TMEM65: variants seen among roughly 807,000 people sequenced by gnomAD.
TMEM65 encodes the protein transmembrane protein 65.
A neutral mutation model predicts 25.4 loss-of-function variants in TMEM65; 22 were observed. The observed-to-expected ratio is 0.86, with a 90% CI of 0.62 to 1.23. The LOEUF is 1.23. Among genes scored for constraint, TMEM65 ranks in the 50% most tolerant of loss-of-function variants. The probability of loss-of-function intolerance (pLI) is 0.00; values close to 1 mark genes in which losing one functional copy is unlikely to be tolerated. For missense variants in TMEM65, 262 were observed against 308.2 expected, an observed-to-expected ratio of 0.85 and a Z score of 1.12; for synonymous variants, 132 against 126.2, an observed-to-expected ratio of 1.05 and a Z score of -0.31.
intron 1 of TMEM65, among the ~76,000 whole-genome samples, chr8:124,370,696 C>T (rs1167659104): frequency 6.6e-6 from 1 of 152,156 alleles, no homozygotes; most frequent in Non-Finnish European, 1.5e-5. Flanking sequence ...GTACAGATAA[C>T]GTCCTGCTTA....
At position 124,351,111 on chromosome 8, in the gene TMEM65, T is replaced by C. The variant is rs1314507644; in HGVS notation, c.305-20319A>G. 3.1e-5 allele frequency: 31 copies of C among 984,980 alleles called. No individual in the cohort carries two copies. In the South Asian group the frequency reaches 9.4e-4, roughly 30 times the overall value. The allele number at this position is 984,980 out of a possible 1,614,324, so 61.0% of individuals were successfully genotyped here. ...CAATGGCAATCTCAGGTTTGGGATA[T>C]CTGCATGCTAAAAGATATTTTAAAA... On this transcript the variant is annotated intron_variant, in intron 1 of 6. Transcript: ENST00000297632.
rs888741399 is a variant in TMEM65, at chr8:124,308,012, A to G, written c.*5948T>C. On this transcript the variant is annotated 3_prime_UTR_variant, in exon 7 of 7. Transcript: ENST00000297632. ...TTTATGATCAAGACTGCACTTATCT[A>G]TAAAGCTGTTAACTCCCAAGTCTTG... The G allele has an allele frequency of 1.3e-5, 2 of 152,206 alleles. No individual in the cohort carries two copies. The highest frequency in any genetic ancestry group is 4.8e-5 in the African/African-American group (2 of 41,448). The allele number at this position is 152,206 out of a possible 1,614,324, so 9.4% of individuals were successfully genotyped here.
At chr8:124,339,701 G>A (rs574669095) in intron 1 of TMEM65, among the ~76,000 whole-genome samples, 33 of 151,960 alleles carry the variant, frequency 2.2e-4, no homozygotes, top group African/African-American at 8.0e-4. Context: ...TTACTAGATG[G>A]GATTCAGGAT....
intron 1 of TMEM65, among the ~76,000 whole-genome samples, chr8:124,355,499 G>C (rs1448238214): frequency 6.6e-6 from 1 of 152,116 alleles, no homozygotes; most frequent in Non-Finnish European, 1.5e-5. Flanking sequence ...GAAATCCCTG[G>C]GAATGTGTTA....
intron 2 of TMEM65, among the ~76,000 whole-genome samples, chr8:124,328,929 C>T (rs1206232505): frequency 6.6e-6 from 1 of 151,954 alleles, no homozygotes; most frequent in Non-Finnish European, 1.5e-5. Context: ...AAAAAAAGCA[C>T]TTCTACCCAC....
chr8:124,325,110 T>C (rs983430443), intron 3 of TMEM65, among the ~76,000 whole-genome samples: 1 of 151,996 alleles, frequency 6.6e-6, no homozygotes, highest in Non-Finnish European at 1.5e-5. Flanking sequence ...CACACCTCTT[T>C]GTTTTTGTTT....
At chr8:124,321,015 A>T (rs944285489) in intron 5 of TMEM65, among the ~76,000 whole-genome samples, 1 of 152,156 alleles carries the variant, frequency 6.6e-6, no homozygotes, top group African/African-American at 2.4e-5. Context: ...GGTTCTATTA[A>T]ATATATCAGA....
rs550710082 is a variant in TMEM65 at position 124,340,254 on chromosome 8, G to A, written c.305-9462C>T. Among the ~76,000 whole-genome samples the A allele has an allele frequency of 6.4e-4, 97 of 152,196 alleles. 1 individual carries two copies. The highest frequency in any genetic ancestry group is 2.0e-3 in the African/African-American group (85 of 41,520). ...TGGCTAAAAGTTTTAAATGAAAGGT[G>A]TAAGATCTGTTTCTGTTTATATATG... On this transcript the variant is annotated intron_variant, in intron 1 of 6. Coordinates refer to ENST00000297632, the MANE Select transcript of TMEM65 (RefSeq NM_194291.3).
In TMEM65 at chr8:124,348,879, A is replaced by G. The variant is rs532111335; in HGVS notation, c.305-18087T>C. On this transcript the variant is annotated intron_variant, in intron 1 of 6. Coordinates refer to ENST00000297632, the MANE Select transcript of TMEM65 (RefSeq NM_194291.3). ...CCCACTAGAAGAGGTTTGGATATGC[A>G]GGGTCGTCTGGGATATGATAATGAC... 1.5e-3 allele frequency among the ~76,000 whole-genome samples: 228 copies of G among 152,318 alleles called. 1 individual carries two copies. The highest frequency in any genetic ancestry group is 5.4e-3 in the African/African-American group (223 of 41,564).
At chr8:124,327,682 AC>A (rs1814382589) in intron 2 of TMEM65, among the ~76,000 whole-genome samples, 1 of 151,038 alleles carries the variant, frequency 6.6e-6, no homozygotes, top group Admixed American at 6.6e-5. Flanking sequence ...ACACACACAC[AC>A]ACACACACAC....
chr8:124,317,730 G>C (rs1814255566), intron 6 of TMEM65, among the ~76,000 whole-genome samples: 1 of 152,148 alleles, frequency 6.6e-6, no homozygotes, highest in African/African-American at 2.4e-5. Context: ...AAAGGTGATG[G>C]GGTGTTACTC....
At chr8:124,371,219 C>G (rs939796057) in intron 1 of TMEM65, among the ~76,000 whole-genome samples, 4 of 152,120 alleles carry the variant, frequency 2.6e-5, no homozygotes, top group Admixed American at 6.6e-5. Context: ...TGGGAAAAAC[C>G]AAAACTGGAG....
chr8:124,319,738 A>G (rs1201816917), intron 6 of TMEM65, among the ~76,000 whole-genome samples: 1 of 152,140 alleles, frequency 6.6e-6, no homozygotes, highest in Non-Finnish European at 1.5e-5. Flanking sequence ...TGCATATGTC[A>G]TACCAAATTA....
At chr8:124,324,168 C>T (rs899039266) in intron 3 of TMEM65, among the ~76,000 whole-genome samples, 3 of 152,002 alleles carry the variant, frequency 2.0e-5, no homozygotes, top group African/African-American at 7.2e-5. Flanking sequence ...CAAGAGTTCT[C>T]TTGAATACTG....
chr8:124,322,987 C>T (rs1350876315), intron 4 of TMEM65, among the ~76,000 whole-genome samples: 8 of 146,934 alleles, frequency 5.4e-5, no homozygotes, highest in Non-Finnish European at 1.0e-4. Flanking sequence ...AGAGTGAGAC[C>T]CCGTCTCTAA....
intron 1 of TMEM65, among the ~76,000 whole-genome samples, chr8:124,354,516 G>A (rs1448446376): frequency 1.3e-5 from 2 of 152,110 alleles, no homozygotes; most frequent in Non-Finnish European, 2.9e-5. Flanking sequence ...TCATCTTGGG[G>A]GACCGACACA....
At chr8:124,352,194 T>C (rs1408136019) in intron 1 of TMEM65, among the ~76,000 whole-genome samples, 2 of 152,202 alleles carry the variant, frequency 1.3e-5, no homozygotes, top group East Asian at 1.9e-4. Flanking sequence ...CTGAAAGTTA[T>C]ACTGTTCTAA....
intron 1 of TMEM65, among the ~76,000 whole-genome samples, chr8:124,367,811 T>C: frequency 6.6e-6 from 1 of 152,240 alleles, no homozygotes; most frequent in East Asian, 1.9e-4. Context: ...AGATAAATGG[T>C]AAAAAATGTC....
At chr8:124,322,321 T>C (rs897611436) in intron 4 of TMEM65, among the ~76,000 whole-genome samples, 174 bp from the exon 5 acceptor site, 3 of 152,188 alleles carry the variant, frequency 2.0e-5, no homozygotes, top group Non-Finnish European at 2.9e-5. Flanking sequence ...TAGAACACAA[T>C]TTTGAAATTA....
Sources: allele counts gnomAD v4.1 joint callset (sites outside exome capture counted in the v4.1 genomes callset), GRCh38; gene constraint gnomAD v4.1.1; transcripts MANE v1.5; gene names NCBI Gene and HGNC (gene_info 2026-07-23, HGNC 2026-07-21).